AGBL1: variants seen among roughly 807,000 people sequenced by gnomAD.
AGBL1 encodes the protein cytosolic carboxypeptidase 4.
A neutral mutation model predicts 118.9 loss-of-function variants in AGBL1; 130 were observed. That is an observed-to-expected ratio of 1.09 (90% CI 0.95 to 1.26). AGBL1 has a LOEUF of 1.26. AGBL1 is among the 50% of genes most tolerant of loss of function. AGBL1 has a pLI of 0.00. For synonymous variants in AGBL1, 555 were observed against 478.9 expected (o/e 1.16, Z -2.08); for missense variants, 1,584 against 1,298.1 (o/e 1.22, Z -3.38).
At chr15:86,317,071 A>G (rs1004843481) in intron 17 of AGBL1, 6 of 152,270 alleles carry the variant, frequency 3.9e-5, no homozygotes, top group African/African-American at 1.4e-4. Context: ...CACAGCATTT[A>G]TAAACATGCA....
intron 4 of AGBL1, among the ~76,000 whole-genome samples, chr15:86,157,835 A>G (rs1378948283): frequency 6.6e-6 from 1 of 152,218 alleles, no homozygotes; most frequent in African/African-American, 2.4e-5. Context: ...GGATGTTCAC[A>G]GAGCTGCCGG....
At chr15:86,570,968 G>T (rs74691042) in intron 21 of AGBL1, among the ~76,000 whole-genome samples, 7,626 of 152,214 alleles carry the variant, frequency 0.05, 510 homozygotes, top group African/African-American at 0.15. Flanking sequence ...GCTGGCCTGT[G>T]AGCAGTTTGT....
chr15:86,343,620 G>C (rs537690573), intron 17 of AGBL1, among the ~76,000 whole-genome samples: 5 of 152,336 alleles, frequency 3.3e-5, no homozygotes, highest in African/African-American at 1.2e-4. Context: ...AGAAAACATG[G>C]ATTAAAGGGG....
At chr15:86,763,742 A>G (rs1393923190) in intron 22 of AGBL1, among the ~76,000 whole-genome samples, 1 of 152,022 alleles carries the variant, frequency 6.6e-6, no homozygotes, top group Admixed American at 6.6e-5. Flanking sequence ...GACTTCAGAC[A>G]AGTTACAATT....
chr15:86,197,036 AAC>A (rs1310588758), intron 5 of AGBL1, among the ~76,000 whole-genome samples: 2 of 152,072 alleles, frequency 1.3e-5, no homozygotes, highest in African/African-American at 4.8e-5. Flanking sequence ...ACTGTGAAAA[AAC>A]ACATTTCTGT....
At chr15:86,098,195 GTA>G (rs995010296) in intron 1 of AGBL1, among the ~76,000 whole-genome samples, 104 of 151,656 alleles carry the variant, frequency 6.9e-4, no homozygotes, top group African/African-American at 2.3e-3. Flanking sequence ...TGAGTTCCTT[GTA>G]TATTCTGGAT....
chr15:86,709,234 C>A (rs1482999531), intron 22 of AGBL1, among the ~76,000 whole-genome samples: 1 of 152,126 alleles, frequency 6.6e-6, no homozygotes, highest in African/African-American at 2.4e-5. Context: ...TTACATCAGT[C>A]TATAGTGACC....
chr15:86,167,320 G>A (rs575677651), intron 5 of AGBL1, among the ~76,000 whole-genome samples: 1 of 150,744 alleles, frequency 6.6e-6, no homozygotes, highest in Non-Finnish European at 1.5e-5. Context: ...ATCCTGGCTC[G>A]CTGCAACCTC....
chr15:86,412,238 C>T (rs912913921), intron 18 of AGBL1, among the ~76,000 whole-genome samples: 1 of 152,190 alleles, frequency 6.6e-6, no homozygotes, highest in Non-Finnish European at 1.5e-5. Flanking sequence ...ACAGTACACC[C>T]TTTTGTAGAA....
intron 22 of AGBL1, among the ~76,000 whole-genome samples, chr15:86,737,453 A>G (rs1020596652): frequency 1.3e-5 from 2 of 152,222 alleles, no homozygotes; most frequent in African/African-American, 4.8e-5. Context: ...GTTTTCTTTT[A>G]AATCACCATT....
chr15:86,662,774 T>C (rs1281677359), intron 21 of AGBL1, among the ~76,000 whole-genome samples: 1 of 152,174 alleles, frequency 6.6e-6, no homozygotes, highest in African/African-American at 2.4e-5. Context: ...AGACCATAAT[T>C]TGTATACCCC....
At chr15:86,448,372 TCAG>T (rs1267172223) in intron 18 of AGBL1, among the ~76,000 whole-genome samples, 1 of 152,130 alleles carries the variant, frequency 6.6e-6, no homozygotes, top group Non-Finnish European at 1.5e-5. Context: ...TTATCTCAGG[TCAG>T]ACAGGCATCC....
At chr15:86,648,721 T>G (rs965477375) in intron 21 of AGBL1, among the ~76,000 whole-genome samples, 1 of 151,968 alleles carries the variant, frequency 6.6e-6, no homozygotes, top group Non-Finnish European at 1.5e-5. Flanking sequence ...AGAAACGAGG[T>G]AGAAGGAAAA....
At chr15:86,849,513 C>CTTT (rs1432477083) in intron 22 of AGBL1, among the ~76,000 whole-genome samples, 10 of 87,742 alleles carry the variant, frequency 1.1e-4, no homozygotes, top group Admixed American at 1.0e-3. Flanking sequence ...TTCTTTCTTT[C>CTTT]TTTCTTTTTT....
At chr15:86,664,767 T>A (rs2085612773) in intron 21 of AGBL1, among the ~76,000 whole-genome samples, 1 of 152,004 alleles carries the variant, frequency 6.6e-6, no homozygotes, top group Non-Finnish European at 1.5e-5. Context: ...AATATTTAAA[T>A]TAAAATATTA....
intron 17 of AGBL1, among the ~76,000 whole-genome samples, chr15:86,388,292 G>A (rs1212443885): frequency 1.3e-5 from 2 of 152,062 alleles, no homozygotes; most frequent in East Asian, 3.9e-4. Context: ...ATTAGCACTA[G>A]CATCTGAATA....
chr15:86,852,703 A>G (rs1261817562), intron 22 of AGBL1, among the ~76,000 whole-genome samples: 1 of 152,114 alleles, frequency 6.6e-6, no homozygotes, highest in Non-Finnish European at 1.5e-5. Flanking sequence ...CATGTAATGG[A>G]GGGCTCAACA....
chr15:86,897,665 C>T (rs889299071), intron 22 of AGBL1, among the ~76,000 whole-genome samples: 1 of 151,744 alleles, frequency 6.6e-6, no homozygotes, highest in Non-Finnish European at 1.5e-5. Context: ...GTGGTTTCCA[C>T]CCTAATTCTT....
intron 18 of AGBL1, among the ~76,000 whole-genome samples, chr15:86,453,706 A>G (rs573536359): frequency 1.1e-3 from 165 of 152,272 alleles, no homozygotes; most frequent in Non-Finnish European, 1.1e-3. Flanking sequence ...CAGTGTTTAC[A>G]TTCTTAGAGG....
Sources: gnomAD v4.1 joint callset for allele counts (sites outside exome capture counted in the v4.1 genomes callset) on GRCh38, gnomAD v4.1.1 for gene constraint, MANE v1.5 for transcripts, NCBI Gene and HGNC (gene_info 2026-07-23, HGNC 2026-07-21) for gene names.